Variants in IQCH observed in about 807,000 individuals in gnomAD.
The protein encoded by IQCH is IQ motif containing H, also known as IQ domain-containing protein H.
Under a neutral mutation model 117.0 loss-of-function variants are expected in IQCH, and 98 were observed. The observed-to-expected ratio is 0.84, with a 90% CI of 0.71 to 0.99. IQCH has a LOEUF of 0.99. Ranked by LOEUF, IQCH falls within the 50% of genes least tolerant of loss-of-function variation. The pLI, the probability that IQCH is intolerant of heterozygous loss-of-function variation, is 0.00. For synonymous variants in IQCH, 412 were observed against 448.2 expected, an observed-to-expected ratio of 0.92 and a Z score of 1.02; for missense variants, 1,102 against 1,243.8, an observed-to-expected ratio of 0.89 and a Z score of 1.72.
At chr15:67,312,553 G>A (rs956996523) in intron 4 of IQCH, among the ~76,000 whole-genome samples, 1 of 152,124 alleles carries the variant, frequency 6.6e-6, no homozygotes, top group African/African-American at 2.4e-5. Flanking sequence ...CTATGGAAAA[G>A]TGGATACGTC....
chr15:67,495,278 G>C (rs2083774880), intron 20 of IQCH, among the ~76,000 whole-genome samples: 1 of 152,224 alleles, frequency 6.6e-6, no homozygotes, highest in Non-Finnish European at 1.5e-5. Context: ...CCTACAACAT[G>C]ATTGAGAAGA....
Position 67,477,443 on chromosome 15 carries a change from G to A in IQCH, c.2799+1625G>A, listed in dbSNP as rs142280969. ...GACACTTGGCAATCCCCAGCAGGCT[G>A]CCAGGCACTGTCAGGGCACATGAGA... On this transcript the variant is annotated intron_variant, in intron 18 of 20. Coordinates refer to ENST00000335894, the MANE Select transcript of IQCH (RefSeq NM_001031715.3). Among the ~76,000 whole-genome samples, 284 of 152,306 alleles carry A rather than the reference G, an allele frequency of 1.9e-3. 1 individual carries two copies. The highest frequency in any genetic ancestry group is 6.2e-3 in the African/African-American group (257 of 41,566).
chr15:67,354,823 T>G (rs1969821100), intron 6 of IQCH, among the ~76,000 whole-genome samples: 1 of 152,182 alleles, frequency 6.6e-6, no homozygotes. Context: ...CTTTACCCTC[T>G]TTGGTATGTT....
intron 4 of IQCH, among the ~76,000 whole-genome samples, chr15:67,286,044 A>G (rs1966549838): frequency 6.6e-6 from 1 of 152,160 alleles, no homozygotes; most frequent in Admixed American, 6.5e-5. Flanking sequence ...ATATTTTGAC[A>G]ATATTGATTC....
chr15:67,428,713 G>T (rs1411474182), intron 16 of IQCH, among the ~76,000 whole-genome samples: 1 of 152,040 alleles, frequency 6.6e-6, no homozygotes, highest in Non-Finnish European at 1.5e-5. Context: ...GCTGGGCATG[G>T]TGGCACGTGC....
intron 4 of IQCH, among the ~76,000 whole-genome samples, chr15:67,303,812 A>G (rs1967169306): frequency 6.6e-6 from 1 of 152,118 alleles, no homozygotes; most frequent in African/African-American, 2.4e-5. Flanking sequence ...ATTTTTTTCT[A>G]ATGAAAGCAT....
At chr15:67,286,366 ATCAT>A (rs1388523363) in intron 4 of IQCH, among the ~76,000 whole-genome samples, 1 of 152,150 alleles carries the variant, frequency 6.6e-6, no homozygotes, top group Non-Finnish European at 1.5e-5. Context: ...ATAAGATCAT[ATCAT>A]CTGCAAACAA....
At chr15:67,268,664 G>A (rs1965774489) in intron 3 of IQCH, among the ~76,000 whole-genome samples, 1 of 152,140 alleles carries the variant, frequency 6.6e-6, no homozygotes, top group Admixed American at 6.5e-5. Flanking sequence ...TTGTTCAATG[G>A]TGAGTGTAGA....
chr15:67,326,873 A>G (rs1968437444), intron 4 of IQCH, among the ~76,000 whole-genome samples: 1 of 152,206 alleles, frequency 6.6e-6, no homozygotes, highest in African/African-American at 2.4e-5. Context: ...ATATTTCAGT[A>G]AATTGATTTC....
At chr15:67,255,058 T>A in intron 1 of IQCH, 111 bp downstream of exon 1, 1 of 1,050,696 alleles carries the variant, frequency 9.5e-7, no homozygotes, top group Non-Finnish European at 1.4e-6. Flanking sequence ...GCCCCTAGAC[T>A]CCCTCCAACT....
chr15:67,314,812 A>G (rs1967770221), intron 4 of IQCH, among the ~76,000 whole-genome samples: 1 of 152,230 alleles, frequency 6.6e-6, no homozygotes, highest in South Asian at 2.1e-4. Context: ...GTGAAATCTA[A>G]TTTTTAAATG....
rs1971973599 is a variant in IQCH, at chr15:67,407,922, T to A, written c.2097+7617T>A. 1 of 152,356 alleles carries A rather than the reference T, an allele frequency of 6.6e-6. No homozygotes were observed. Among genetic ancestry groups the A allele is most frequent in the Middle Eastern group, 3.4e-3 (1 of 294 alleles). 9.4% of individuals were successfully genotyped at this position (152,356 alleles called of 1,614,324 possible). Reference sequence around the variant, plus strand: ...ATTGTTGTGGTATCAGAGCTGTTAATTACCGGAGTAAACAGTTGAAATGGT... The same window carrying A: ...ATTGTTGTGGTATCAGAGCTGTTAAATACCGGAGTAAACAGTTGAAATGGT... On this transcript the variant is annotated intron_variant, in intron 14 of 20. Transcript: ENST00000335894. The surrounding 1 kb of genome is among the most constrained non-coding windows in gnomAD (Gnocchi z 5.3).
intron 14 of IQCH, among the ~76,000 whole-genome samples, chr15:67,409,562 A>C (rs1284155636): frequency 1.3e-5 from 2 of 152,232 alleles, no homozygotes; most frequent in African/African-American, 2.4e-5. Flanking sequence ...GTGGAGGCCT[A>C]GATAATGAGG....
At position 67,387,785 on chromosome 15, in the gene IQCH, G is replaced by T. The variant is rs1188599795; in HGVS notation, c.1457-1046G>T. Among the ~76,000 whole-genome samples, 1 of 152,176 alleles carries T rather than the reference G, an allele frequency of 6.6e-6. No individual in the cohort carries two copies. Among genetic ancestry groups the T allele is most frequent in the East Asian group, 1.9e-4 (1 of 5,204 alleles). ...TTTTGTTCCCCTTTTTACAGATGAA[G>T]AAATGAATGCTTAGAAAGGTTAAAT... On this transcript the variant is annotated intron_variant, in intron 11 of 20. Coordinates refer to ENST00000335894, the MANE Select transcript of IQCH (RefSeq NM_001031715.3). The surrounding 1 kb of genome is among the most constrained non-coding windows in gnomAD (Gnocchi z 4.8).
At chr15:67,297,858 C>A (rs781140260) in intron 4 of IQCH, among the ~76,000 whole-genome samples, 1 of 152,080 alleles carries the variant, frequency 6.6e-6, no homozygotes, top group Non-Finnish European at 1.5e-5. Flanking sequence ...AGTTAAAAAG[C>A]TTCTGCACAG....
intron 5 of IQCH, 147 bp from the exon 6 acceptor site, chr15:67,343,916 T>A (rs1395166142): frequency 1.7e-6 from 1 of 584,228 alleles, no homozygotes; most frequent in African/African-American, 1.9e-5. Context: ...ACTGTAGCTA[T>A]TTTTTTATGC....
chr15:67,265,202 C>G (rs1965621232), intron 3 of IQCH, among the ~76,000 whole-genome samples: 1 of 152,194 alleles, frequency 6.6e-6, no homozygotes, highest in African/African-American at 2.4e-5. Context: ...AAAGAGCTAC[C>G]TAGGTAGCAA....
At chr15:67,400,399 TCTA>T in intron 14 of IQCH, 94 bp downstream of exon 14, 3 of 811,878 alleles carry the variant, frequency 3.7e-6, no homozygotes, top group Non-Finnish European at 6.0e-6. Context: ...TACTTTCCTC[TCTA>T]CTTAGCTCTG....
rs574501379 is a variant in IQCH at position 67,465,495 on chromosome 15, C to A, written c.2676+198C>A. 3.9e-5 allele frequency among the ~76,000 whole-genome samples: 6 copies of A among 152,178 alleles called. No individual in the cohort carries two copies. In the South Asian group the frequency reaches 8.3e-4, roughly 21 times the overall value. On this transcript the variant is annotated intron_variant, in intron 17 of 20. Transcript: ENST00000335894. This position sits in a 1 kb window ranked among gnomAD's most constrained non-coding sequence, Gnocchi z 5.9. Reference sequence around the variant, plus strand: ...AAGGGAGAAGCCATTCCCGAATGAACCTGCCATCTGTGGAAATGCGAAAGA... The same window carrying A: ...AAGGGAGAAGCCATTCCCGAATGAAACTGCCATCTGTGGAAATGCGAAAGA...
Sources: allele counts gnomAD v4.1 joint callset (sites outside exome capture counted in the v4.1 genomes callset), GRCh38; gene constraint gnomAD v4.1.1; non-coding constraint Gnocchi (gnomAD v3.1); transcripts MANE v1.5; gene names NCBI Gene and HGNC (gene_info 2026-07-23, HGNC 2026-07-21).